Variants in FUT8 observed in about 807,000 individuals in gnomAD.
FUT8 encodes the protein fucosyltransferase 8.
FUT8 carries 29 observed loss-of-function variants against 71.3 expected under a neutral mutation model. The ratio of observed to expected loss-of-function variants is 0.41; its 90% CI spans 0.30 to 0.55. The LOEUF (loss-of-function observed/expected upper bound fraction) is 0.55, where lower values mean the gene tolerates loss of function less well. Ranked by LOEUF, FUT8 falls within the 20% of genes least tolerant of loss-of-function variation. FUT8 has a pLI of 0.34. For missense variants in FUT8, 544 were observed against 702.1 expected (o/e 0.77, Z 2.55); for synonymous variants, 254 against 239.3 (o/e 1.06, Z -0.57).
At position 65,702,639 on chromosome 14, in the gene FUT8, G is replaced by A. The variant is rs58873346; in HGVS notation, c.836-19136G>A. On this transcript the variant is annotated intron_variant, in intron 7 of 10. Coordinates refer to ENST00000673929, the MANE Select transcript of FUT8 (RefSeq NM_001371533.1). ...TCTTTATGACCTCAGATGAATATAG[G>A]AGTATCGTAAAATGATTTGGAGCTA... Among the ~76,000 whole-genome samples the A allele has an allele frequency of 5.6e-3, 850 of 152,282 alleles. 4 individuals are homozygous for A. Among genetic ancestry groups the A allele is most frequent in the African/African-American group, 0.016 (656 of 41,556 alleles).
chr14:65,572,231 G>A (rs1042247622), intron 3 of FUT8, among the ~76,000 whole-genome samples: 2 of 152,148 alleles, frequency 1.3e-5, no homozygotes, highest in African/African-American at 2.4e-5. Context: ...TTAGCATCTC[G>A]ATTGTCCTAA....
intron 2 of FUT8, among the ~76,000 whole-genome samples, chr14:65,466,220 G>C (rs2066042444): frequency 6.6e-6 from 1 of 152,136 alleles, no homozygotes; most frequent in Non-Finnish European, 1.5e-5. Flanking sequence ...CTTGTCGTTT[G>C]ATTTGCTCTC....
intron 6 of FUT8, among the ~76,000 whole-genome samples, chr14:65,655,588 A>G (rs963747157): frequency 1.3e-5 from 2 of 152,170 alleles, no homozygotes; most frequent in Non-Finnish European, 2.9e-5. Flanking sequence ...AAAATGATCA[A>G]TTTACCAAAA....
chr14:65,716,694 T>C (rs2139331708), intron 7 of FUT8, among the ~76,000 whole-genome samples: 1 of 152,262 alleles, frequency 6.6e-6, no homozygotes, highest in South Asian at 2.1e-4. Flanking sequence ...CCCTTTTCTT[T>C]TTGACAAAAC....
chr14:65,736,076 A>G (rs1441860688), intron 10 of FUT8, among the ~76,000 whole-genome samples: 2 of 152,154 alleles, frequency 1.3e-5, no homozygotes, highest in Admixed American at 1.3e-4. Flanking sequence ...TTTGCATCCA[A>G]CTTTGACCAA....
At chr14:65,594,927 C>T (rs1034627027) in intron 3 of FUT8, among the ~76,000 whole-genome samples, 1 of 151,932 alleles carries the variant, frequency 6.6e-6, no homozygotes, top group Non-Finnish European at 1.5e-5. Flanking sequence ...AGGCAGCATT[C>T]GATTGGTAAA....
At chr14:65,397,922 G>A in the FUT8 span, among the ~76,000 whole-genome samples, 1 of 152,180 alleles carries the variant, frequency 6.6e-6, no homozygotes, top group South Asian at 2.1e-4. The surrounding 1 kb of genome is among the most constrained non-coding windows in gnomAD (Gnocchi z 4.2). Flanking sequence ...GGTACAATTG[G>A]TTTCCTTATA....
intron 7 of FUT8, among the ~76,000 whole-genome samples, chr14:65,691,884 C>T (rs1893620372): frequency 6.6e-6 from 1 of 152,222 alleles, no homozygotes; most frequent in Non-Finnish European, 1.5e-5. Flanking sequence ...CCTGAGTAGA[C>T]ACAGCTCATG....
intron 2 of FUT8, among the ~76,000 whole-genome samples, chr14:65,555,265 T>G (rs962462760): frequency 5.3e-5 from 8 of 152,204 alleles, no homozygotes; most frequent in African/African-American, 1.9e-4. Context: ...TTTTATTTCT[T>G]GGATTTTTAC....
chr14:65,692,965 C>T (rs1307187770), intron 7 of FUT8, among the ~76,000 whole-genome samples: 7 of 151,522 alleles, frequency 4.6e-5, no homozygotes, highest in African/African-American at 4.9e-5. Flanking sequence ...CGGGAAGAGG[C>T]GCTCCTCGCT....
At chr14:65,713,403 T>C (rs1157632534) in intron 7 of FUT8, among the ~76,000 whole-genome samples, 1 of 152,362 alleles carries the variant, frequency 6.6e-6, no homozygotes, top group African/African-American at 2.4e-5. Context: ...TTCCTTTCTT[T>C]TGAGCATATA....
chr14:65,544,840 T>C (rs529313786), intron 2 of FUT8, among the ~76,000 whole-genome samples: 1 of 152,140 alleles, frequency 6.6e-6, no homozygotes, highest in Non-Finnish European at 1.5e-5. Flanking sequence ...TGAAGTATGA[T>C]AGATGAGTAT....
rs191430895 is a variant in FUT8, at chr14:65,720,966, C to T, written c.836-809C>T. On this transcript the variant is annotated intron_variant, in intron 7 of 10. Transcript: ENST00000673929. ...TGCAAAGTCCCACAATCACTGTGCT[C>T]CCCCTCCCCCAAGCACACAGATTCT... is the stretch of plus-strand genomic sequence containing the variant. 1.8e-4 allele frequency among the ~76,000 whole-genome samples: 28 copies of T among 152,222 alleles called. No homozygotes were observed. The East Asian group carries it at 4.1e-3, about 22-fold the overall frequency.
intron 5 of FUT8, among the ~76,000 whole-genome samples, chr14:65,618,176 A>G (rs888739520): frequency 6.6e-6 from 1 of 151,096 alleles, no homozygotes; most frequent in African/African-American, 2.4e-5. Context: ...AGCTGGGATT[A>G]TAGGCCTGGG....
intron 2 of FUT8, among the ~76,000 whole-genome samples, chr14:65,512,907 CAAAAAA>C (rs35280167): frequency 1.2e-5 from 1 of 83,980 alleles, no homozygotes; most frequent in Admixed American, 1.3e-4. Flanking sequence ...GACTCTGTCT[CAAAAAA>C]AAAAAAAAAA....
intron 6 of FUT8, among the ~76,000 whole-genome samples, chr14:65,665,929 G>A (rs1892190359): frequency 6.6e-6 from 1 of 152,138 alleles, no homozygotes; most frequent in East Asian, 1.9e-4. Context: ...GGGGCCTATC[G>A]GAGGGTGGAC....
At chr14:65,389,006 A>G in the FUT8 span, among the ~76,000 whole-genome samples, 1 of 150,844 alleles carries the variant, frequency 6.6e-6, no homozygotes, top group Non-Finnish European at 1.5e-5. Context: ...GAATACATAC[A>G]TATTTATATA....
chr14:65,608,174 C>G (rs1347787852), intron 3 of FUT8, among the ~76,000 whole-genome samples: 1 of 151,118 alleles, frequency 6.6e-6, no homozygotes, highest in Non-Finnish European at 1.5e-5. Context: ...TTTAATTCCT[C>G]TAGAAAGTAT....
intron 8 of FUT8, among the ~76,000 whole-genome samples, chr14:65,722,763 C>A (rs1436744101): frequency 6.6e-6 from 1 of 152,146 alleles, no homozygotes; most frequent in Non-Finnish European, 1.5e-5. Context: ...GTATCCACAT[C>A]TGGGTTATAG....
Sources: gnomAD v4.1 joint callset for allele counts (sites outside exome capture counted in the v4.1 genomes callset) on GRCh38, gnomAD v4.1.1 for gene constraint, Gnocchi (gnomAD v3.1) non-coding constraint, MANE v1.5 for transcripts, NCBI Gene and HGNC (gene_info 2026-07-23, HGNC 2026-07-21) for gene names.